MID2: variants seen among roughly 807,000 people sequenced by gnomAD.
MID2 encodes the protein midline 2.
Under a neutral mutation model 46.1 loss-of-function variants are expected in MID2, and 13 were observed. The ratio of observed to expected loss-of-function variants is 0.28; its 90% CI spans 0.18 to 0.45. The LOEUF is 0.45. Among genes scored for constraint, MID2 ranks in the 20% least tolerant of loss-of-function variants. The pLI is 1.00. For missense variants in MID2, 431 were observed against 575.4 expected (o/e 0.75, Z 2.57); for synonymous variants, 199 against 212.3 (o/e 0.94, Z 0.55).
intron 2 of MID2, among the ~76,000 whole-genome samples, chrX:107,848,976 CAG>C (rs1931550241): frequency 8.9e-6 from 1 of 111,802 alleles, no homozygotes; most frequent in Non-Finnish European, 1.9e-5. Context: ...GCCACTGGCT[CAG>C]ATTATTTTTA....
At chrX:107,870,440 A>G (rs1260166295) in intron 3 of MID2, among the ~76,000 whole-genome samples, 1 of 111,286 alleles carries the variant, frequency 9.0e-6, no homozygotes, top group Non-Finnish European at 1.9e-5. Context: ...CTCTAAAACC[A>G]TCTAGGCCTG....
chrX:107,910,068 A>G (rs1363535213), intron 5 of MID2, among the ~76,000 whole-genome samples: 1 of 111,941 alleles, frequency 8.9e-6, no homozygotes, highest in Non-Finnish European at 1.9e-5. Flanking sequence ...ATTATTGATT[A>G]TATTCACACT....
chrX:107,881,606 C>T (rs1932320385), intron 3 of MID2, among the ~76,000 whole-genome samples: 1 of 112,212 alleles, frequency 8.9e-6, no homozygotes. Flanking sequence ...AAAGGACATA[C>T]GTTCCTGAAA....
chrX:107,918,282 AACTTC>A (rs1346084824), intron 7 of MID2, among the ~76,000 whole-genome samples: 2 of 111,376 alleles, frequency 1.8e-5, no homozygotes, highest in Non-Finnish European at 3.8e-5. Flanking sequence ...ACAGAGTAGG[AACTTC>A]ACTCATGCCA....
intron 4 of MID2, among the ~76,000 whole-genome samples, chrX:107,905,099 C>CA (rs970854237): frequency 1.8e-5 from 2 of 111,290 alleles, no homozygotes; most frequent in African/African-American, 3.3e-5. Context: ...TGTAAACAAA[C>CA]AAAAATGTAA....
intron 1 of MID2, among the ~76,000 whole-genome samples, chrX:107,839,941 C>G (rs904887408): frequency 8.9e-6 from 1 of 111,762 alleles, no homozygotes; most frequent in African/African-American, 3.3e-5. Flanking sequence ...TGAAATCATT[C>G]CCCATTCAGC....
At chrX:107,923,770 A>G (rs922499677) in intron 7 of MID2, among the ~76,000 whole-genome samples, 2 of 112,044 alleles carry the variant, frequency 1.8e-5, no homozygotes, top group Non-Finnish European at 3.8e-5. Context: ...TGTAGTAGAG[A>G]GAACACTGGG....
At chrX:107,857,344 A>C (rs1052078653) in intron 3 of MID2, among the ~76,000 whole-genome samples, 25 of 107,203 alleles carry the variant, frequency 2.3e-4, no homozygotes, top group Admixed American at 2.1e-3. Context: ...GCAGTGGCAC[A>C]ATCTCGGCTC....
chrX:107,872,320 A>G (rs73529352), intron 3 of MID2, among the ~76,000 whole-genome samples: 2,105 of 112,496 alleles, frequency 0.019, 51 homozygotes, highest in African/African-American at 0.064. Context: ...AAAGGAGAGA[A>G]TCTAATGCTG....
At chrX:107,892,844 A>AGCACCCAAAGATTATCCTTTTTACGT (rs1932632713) in intron 3 of MID2, among the ~76,000 whole-genome samples, 1 of 112,243 alleles carries the variant, frequency 8.9e-6, no homozygotes, top group South Asian at 3.7e-4. Context: ...CCATCTTATA[A>AGCACCCAAAGATTATCCTTTTTACGT]GCACCCAAAG....
rs1463692832 is a variant in MID2, at chrX:107,918,151, A to G, written c.1435+412A>G. Among the ~76,000 whole-genome samples, 2 of 111,670 alleles carry G rather than the reference A, an allele frequency of 1.8e-5. 1 individual carries two copies. Among genetic ancestry groups the G allele is most frequent in the Admixed American group, 1.9e-4 (2 of 10,517 alleles). On this transcript the variant is annotated intron_variant, in intron 7 of 9. Transcript: ENST00000262843. ...CTCTTCCCTTTACTTCTTCCTTTCC[A>G]CCAAGAATTATGCTAAATATGAAAA... is the stretch of plus-strand genomic sequence containing the variant.
intron 1 of MID2, among the ~76,000 whole-genome samples, 169 bp from the exon 2 acceptor site, chrX:107,840,501 G>T (rs1931315835): frequency 8.9e-6 from 1 of 112,406 alleles, no homozygotes; most frequent in South Asian, 3.7e-4. Flanking sequence ...CTAAAACAAG[G>T]TTTGAAGGGG....
At chrX:107,922,385 C>T (rs938459430) in intron 7 of MID2, among the ~76,000 whole-genome samples, 10 of 112,357 alleles carry the variant, frequency 8.9e-5, no homozygotes, top group Non-Finnish European at 1.7e-4. Context: ...TTATGCTGTT[C>T]GTCTGAAATG....
At chrX:107,848,004 T>TG (rs746427467) in intron 2 of MID2, among the ~76,000 whole-genome samples, 154 of 110,832 alleles carry the variant, frequency 1.4e-3, no homozygotes, top group Non-Finnish European at 2.5e-3. Context: ...ACAGAGAGCA[T>TG]GGGGGTTTCT....
At chrX:107,849,461 C>T (rs964384174) in intron 2 of MID2, among the ~76,000 whole-genome samples, 8 of 109,447 alleles carry the variant, frequency 7.3e-5, no homozygotes, top group African/African-American at 1.7e-4. Flanking sequence ...CTGAAATAAT[C>T]TGTGTCTAGA....
At chrX:107,908,156 T>C (rs1016574913) in intron 5 of MID2, among the ~76,000 whole-genome samples, 5 of 112,417 alleles carry the variant, frequency 4.4e-5, no homozygotes, top group African/African-American at 1.6e-4. Context: ...TTTATTGGCA[T>C]GACCTTACAT....
At chrX:107,920,386 A>T (rs1933048917) in intron 7 of MID2, among the ~76,000 whole-genome samples, 2 of 112,307 alleles carry the variant, frequency 1.8e-5, no homozygotes, top group Non-Finnish European at 3.8e-5. Flanking sequence ...GGTGAATGAG[A>T]ATTCCAACAG....
At chrX:107,913,198 A>C (rs1932917393) in intron 5 of MID2, among the ~76,000 whole-genome samples, 1 of 111,967 alleles carries the variant, frequency 8.9e-6, no homozygotes, top group South Asian at 3.7e-4. Flanking sequence ...TATATACTAT[A>C]TTATACTCTA....
intron 4 of MID2, among the ~76,000 whole-genome samples, chrX:107,904,774 G>A (rs867091349): frequency 1.8e-5 from 2 of 111,881 alleles, no homozygotes; most frequent in Non-Finnish European, 1.9e-5. Context: ...GATCATAAGC[G>A]TCAAGTGTGA....
Sources: gnomAD v4.1 joint callset for allele counts (sites outside exome capture counted in the v4.1 genomes callset) on GRCh38, gnomAD v4.1.1 for gene constraint, MANE v1.5 for transcripts, NCBI Gene and HGNC (gene_info 2026-07-23, HGNC 2026-07-21) for gene names.